The following CLEC16A variants were observed in gnomAD, a reference collection of about 807,000 sequenced individuals.
CLEC16A encodes protein CLEC16A.
A neutral mutation model predicts 109.5 loss-of-function variants in CLEC16A; 51 were observed. That is an observed-to-expected ratio of 0.47 (90% CI 0.37 to 0.59). The LOEUF is 0.59. Ranked by LOEUF, CLEC16A falls within the 20% of genes least tolerant of loss-of-function variation. CLEC16A has a pLI of 0.00. For synonymous variants in CLEC16A, 673 were observed against 564.2 expected (o/e 1.19, Z -2.73); for missense variants, 1,339 against 1,394.0 (o/e 0.96, Z 0.63).
chr16:11,105,204 T>A (rs2051146053), intron 19 of CLEC16A, among the ~76,000 whole-genome samples: 1 of 152,190 alleles, frequency 6.6e-6, no homozygotes, highest in Non-Finnish European at 1.5e-5. Context: ...CATTGTAAGA[T>A]GAGATCGTGT....
chr16:11,157,463 C>G (rs1428843289), intron 22 of CLEC16A, among the ~76,000 whole-genome samples: 1 of 152,176 alleles, frequency 6.6e-6, no homozygotes, highest in Admixed American at 6.5e-5. Flanking sequence ...TGCACTGAAA[C>G]AGTAAATCAT....
intron 19 of CLEC16A, among the ~76,000 whole-genome samples, chr16:11,108,893 G>A (rs1386763049): frequency 2.6e-5 from 4 of 151,956 alleles, no homozygotes; most frequent in South Asian, 2.1e-4. Context: ...GGCGGATCAC[G>A]AGGTCAGGAG....
In CLEC16A at chr16:11,179,178, T is replaced by C. The variant is rs2068882950; in HGVS notation, c.*488T>C. The C allele has an allele frequency of 6.5e-6, 1 of 154,400 alleles. No homozygotes were observed. The allele number at this position is 154,400 out of a possible 1,614,324, so 9.6% of individuals were successfully genotyped here. On this transcript the variant is annotated 3_prime_UTR_variant, in exon 24 of 24. Coordinates refer to ENST00000409790, the MANE Select transcript of CLEC16A (RefSeq NM_015226.3). ...GGTGAACATTTATTTTTAAAACTTC[T>C]ATTTAAAAGAAGTCCAAAAACATCA...
intron 2 of CLEC16A, among the ~76,000 whole-genome samples, chr16:10,958,707 C>T (rs1567503108): frequency 6.6e-6 from 1 of 152,090 alleles, no homozygotes; most frequent in Non-Finnish European, 1.5e-5. Flanking sequence ...AGTTTGAGAC[C>T]AGCCTGGGCA....
At chr16:11,075,380 G>GTC (rs767365487) in intron 19 of CLEC16A, among the ~76,000 whole-genome samples, 1 of 104,418 alleles carries the variant, frequency 9.6e-6, no homozygotes, top group Non-Finnish European at 2.0e-5. Flanking sequence ...GGATATGTCT[G>GTC]TGTGTGTGTG....
Position 11,046,958 on chromosome 16 carries a change from T to C in CLEC16A, c.1816-334T>C, listed in dbSNP as rs545329314. On this transcript the variant is annotated intron_variant, in intron 16 of 23. Transcript: ENST00000409790. ...ATTTCTCCAGCCGTTCTCGACAAAATAGATAATGTTAAACACTTGAAATAT... is the reference window on the plus strand; with the variant it reads ...ATTTCTCCAGCCGTTCTCGACAAAACAGATAATGTTAAACACTTGAAATAT... Among the ~76,000 whole-genome samples the C allele has an allele frequency of 7.2e-5, 11 of 152,350 alleles. No homozygotes were observed. The East Asian group carries it at 2.1e-3, about 29-fold the overall frequency.
chr16:11,142,552 CATA>C (rs893969711), intron 22 of CLEC16A, among the ~76,000 whole-genome samples: 3 of 152,234 alleles, frequency 2.0e-5, no homozygotes, highest in Non-Finnish European at 4.4e-5. Flanking sequence ...TTTTAAAAAT[CATA>C]ATAAGGCACT....
At chr16:11,172,232 ACT>A (rs777574640) in intron 23 of CLEC16A, among the ~76,000 whole-genome samples, 6 of 152,122 alleles carry the variant, frequency 3.9e-5, no homozygotes, top group Non-Finnish European at 8.8e-5. Flanking sequence ...ACATGCACAC[ACT>A]CATACAGTCA....
At chr16:11,132,516 A>G (rs57036821) in intron 22 of CLEC16A, among the ~76,000 whole-genome samples, 2,655 of 152,174 alleles carry the variant, frequency 0.017, 77 homozygotes, top group African/African-American at 0.06. Flanking sequence ...GTTGCTGCGA[A>G]CATTCGTGCA....
At chr16:11,044,368 G>A (rs923287726) in intron 16 of CLEC16A, 12 of 273,680 alleles carry the variant, frequency 4.4e-5, no homozygotes, top group Non-Finnish European at 6.1e-5. Flanking sequence ...TATGAACTAC[G>A]TACGTATAAA....
chr16:10,944,630 C>G lies in CLEC16A; in HGVS notation c.-88C>G. 1.5e-6 allele frequency: 2 copies of G among 1,307,744 alleles called. No individual in the cohort carries two copies. Among genetic ancestry groups the G allele is most frequent in the Non-Finnish European group, 2.1e-6 (2 of 940,830 alleles). 81.0% of individuals were successfully genotyped at this position (1,307,744 alleles called of 1,614,324 possible). On this transcript the variant is annotated 5_prime_UTR_variant, in exon 1 of 24. Coordinates refer to ENST00000409790, the MANE Select transcript of CLEC16A (RefSeq NM_015226.3). Reference sequence around the variant, plus strand: ...CCTCCACCGCCTCCGCCGCCGCATCCTCCGCTTGTGCTACCGCCGCGGGCG... The same window carrying G: ...CCTCCACCGCCTCCGCCGCCGCATCGTCCGCTTGTGCTACCGCCGCGGGCG...
intron 16 of CLEC16A, among the ~76,000 whole-genome samples, chr16:11,045,366 AT>A (rs1279077809): frequency 6.6e-6 from 1 of 152,074 alleles, no homozygotes; most frequent in African/African-American, 2.4e-5. Flanking sequence ...AGAAAAAGAA[AT>A]TTACTTCTGT....
At chr16:11,129,002 C>T (rs952791397) in intron 22 of CLEC16A, among the ~76,000 whole-genome samples, 1 of 152,196 alleles carries the variant, frequency 6.6e-6, no homozygotes, top group Non-Finnish European at 1.5e-5. Context: ...CCACATCTCT[C>T]CTTCTGATCT....
chr16:11,031,287 G>A (rs1252271747), intron 13 of CLEC16A, among the ~76,000 whole-genome samples: 1 of 152,214 alleles, frequency 6.6e-6, no homozygotes, highest in Non-Finnish European at 1.5e-5. Context: ...TCTGTGTGGT[G>A]TAGATGCCAG....
chr16:11,081,148 C>G (rs906285466), intron 19 of CLEC16A, among the ~76,000 whole-genome samples: 22 of 152,246 alleles, frequency 1.4e-4, no homozygotes, highest in African/African-American at 4.1e-4. Context: ...CTGGGCCCCA[C>G]CTCCTGCCCT....
rs150355469 is a variant in CLEC16A at position 10,979,295 on chromosome 16, A to ATC, written c.904-19_904-18dup. Reference sequence around the variant, plus strand: ...TTGTGCTGCTCGCTTGTGTGACCTGATCTCTCTCTCTCTCTCCTGCCACCC... The same window carrying ATC: ...TTGTGCTGCTCGCTTGTGTGACCTGATCTCTCTCTCTCTCTCTCCTGCCACCC... On this transcript the variant is annotated intron_variant, in intron 8 of 23. Coordinates refer to ENST00000409790, the MANE Select transcript of CLEC16A (RefSeq NM_015226.3). 2.4e-4 allele frequency: 362 copies of ATC among 1,537,138 alleles called. 3 individuals are homozygous for ATC. Among genetic ancestry groups the ATC allele is most frequent in the African/African-American group, 5.9e-4 (43 of 73,050 alleles).
intron 16 of CLEC16A, among the ~76,000 whole-genome samples, chr16:11,046,715 T>A (rs1739141749): frequency 6.6e-6 from 1 of 152,158 alleles, no homozygotes; most frequent in Admixed American, 6.5e-5. Context: ...CTGGATTTGG[T>A]TATGTGTATC....
chr16:11,170,835 T>A (rs1360936222), intron 23 of CLEC16A, among the ~76,000 whole-genome samples: 1 of 152,178 alleles, frequency 6.6e-6, no homozygotes, highest in Non-Finnish European at 1.5e-5. Flanking sequence ...CAGAGGCATG[T>A]GCAGTTACAA....
At chr16:11,085,970 G>C (rs1446220028) in intron 19 of CLEC16A, among the ~76,000 whole-genome samples, 2 of 152,208 alleles carry the variant, frequency 1.3e-5, no homozygotes, top group Non-Finnish European at 2.9e-5. Context: ...TGACTTGGAG[G>C]CCTCTCGGGT....
Sources: gnomAD v4.1 joint callset for allele counts (sites outside exome capture counted in the v4.1 genomes callset) on GRCh38, gnomAD v4.1.1 for gene constraint, MANE v1.5 for transcripts, NCBI Gene and HGNC (gene_info 2026-07-23, HGNC 2026-07-21) for gene names.